GRHL1: variants seen among roughly 807,000 people sequenced by gnomAD.
GRHL1 encodes grainyhead-like protein 1 homolog.
In GRHL1, 38 loss-of-function variants were observed where a neutral mutation model predicts 75.7. The observed-to-expected ratio is 0.50, with a 90% CI of 0.39 to 0.66. The LOEUF (loss-of-function observed/expected upper bound fraction) is 0.66. GRHL1 is among the 30% of genes least tolerant of loss of function. The pLI is 0.00. For synonymous variants in GRHL1, 266 were observed against 279.4 expected, an observed-to-expected ratio of 0.95 and a Z score of 0.48; for missense variants, 589 against 767.5, an observed-to-expected ratio of 0.77 and a Z score of 2.75.
Position 9,990,363 on chromosome 2 carries a change from C to G in GRHL1, c.1270-333C>G, listed in dbSNP as rs1210245360. Among the ~76,000 whole-genome samples, 1 of 152,056 alleles carries G rather than the reference C, an allele frequency of 6.6e-6. No individual in the cohort carries two copies. Among genetic ancestry groups the G allele is most frequent in the African/African-American group, 2.4e-5 (1 of 41,422 alleles). ...GTGGGGTTTCACCATGTTGGCCAGG[C>G]TGGTCTCGAACTCCTGACCTCAAAT... is the stretch of plus-strand genomic sequence containing the variant. On this transcript the variant is annotated intron_variant, in intron 9 of 15. Coordinates refer to ENST00000324907, the MANE Select transcript of GRHL1 (RefSeq NM_198182.3). The surrounding 1 kb of genome is among the most constrained non-coding windows in gnomAD (Gnocchi z 4.2).
chr2:9,967,645 G>A (rs67223835), intron 8 of GRHL1, among the ~76,000 whole-genome samples: 30,691 of 152,152 alleles, frequency 0.2, 3,260 homozygotes, highest in African/African-American at 0.25. Context: ...CTGATATCAG[G>A]CAGCAACTTC....
chr2:9,961,220 G>A lies in GRHL1; in HGVS notation c.453G>A (p.Thr151=), dbSNP rs1437679768. Residue 151 remains threonine, a synonymous_variant, in exon 4 of 16, where the codon ACG becomes ACA. Coordinates refer to ENST00000324907, the MANE Select transcript of GRHL1 (RefSeq NM_198182.3). ...PDTTVTVSIA[T]MPTHSIKTET... Reference sequence around the variant, plus strand: ...CGACAGTCACTGTCTCCATAGCAACGATGCCTACCCACTCCATCAAGACAG... The same window carrying A: ...CGACAGTCACTGTCTCCATAGCAACAATGCCTACCCACTCCATCAAGACAG... 1.2e-6 allele frequency: 2 copies of A among 1,614,058 alleles called. No individual in the cohort carries two copies. Among genetic ancestry groups the A allele is most frequent in the African/African-American group, 1.3e-5 (1 of 75,016 alleles).
Position 9,998,875 on chromosome 2 carries a change from TACACATATATATAC to T in GRHL1, c.1678-88_1678-75del, listed in dbSNP as rs1669129494. 5 of 231,908 alleles carry T rather than the reference TACACATATATATAC, an allele frequency of 2.2e-5. 2 individuals are homozygous for T. The highest frequency in any genetic ancestry group is 1.6e-4 in the African/African-American group (2 of 12,760). The allele number at this position is 231,908 out of a possible 1,614,324, so 14.4% of individuals were successfully genotyped here. A position where few individuals can be genotyped will look rare whatever the true frequency, so the allele number is the denominator to read the frequency against. On this transcript the variant is annotated intron_variant, in intron 14 of 15. Coordinates refer to ENST00000324907, the MANE Select transcript of GRHL1 (RefSeq NM_198182.3). ...ACACATATATATACGTATATATATGTACACATATATATACATATATATATATTTGTTGTTTGGTT... is the reference window on the plus strand; with the variant it reads ...ACACATATATATACGTATATATATGTATATATATATATTTGTTGTTTGGTT...
chr2:9,986,741 C>G (rs1668434078), intron 9 of GRHL1, among the ~76,000 whole-genome samples: 1 of 151,970 alleles, frequency 6.6e-6, no homozygotes, highest in African/African-American at 2.4e-5. Flanking sequence ...AGGTCTCACT[C>G]TGTCATCCAG....
intron 2 of GRHL1, among the ~76,000 whole-genome samples, chr2:9,955,771 T>A (rs772997277): frequency 4.6e-5 from 7 of 152,242 alleles, no homozygotes; most frequent in Non-Finnish European, 1.0e-4. Context: ...GATGTGTGCA[T>A]CTGGGGCCCT....
Position 9,995,949 on chromosome 2 carries a change from C to G in GRHL1, c.1570C>G (p.Arg524Gly), listed in dbSNP as rs761933034. The change falls in exon 13 of 16, where the codon CGG (arginine) becomes GGG (glycine). Residue 524 changes from arginine to glycine, a missense_variant. Transcript: ENST00000324907. ...FAVPPSTKLA[R>G]IEEPKRVLLY... ...TGTCCCTCCTTCTACCAAGCTGGCC[C>G]GGATAGAAGAACCAAAGAGAGGTGT... 3.9e-5 allele frequency: 62 copies of G among 1,606,912 alleles called. No individual in the cohort carries two copies. Among genetic ancestry groups the G allele is most frequent in the Non-Finnish European group, 4.7e-5 (55 of 1,173,480 alleles).
chr2:9,999,050 G>T (rs1398533438), intron 15 of GRHL1, 21 bp downstream of exon 15: 2 of 1,436,396 alleles, frequency 1.4e-6, no homozygotes, highest in South Asian at 1.2e-5. Flanking sequence ...ACTGCGTCCT[G>T]TGTACCTCGG....
Position 9,951,899 on chromosome 2 carries a change from A to T in GRHL1, c.20+46A>T, listed in dbSNP as rs766912878. The T allele has an allele frequency of 2.2e-6, 3 of 1,362,352 alleles. No homozygotes were observed. The highest frequency in any genetic ancestry group is 2.6e-5 in the Admixed American group (1 of 38,286). 84.4% of individuals were successfully genotyped at this position (1,362,352 alleles called of 1,614,324 possible). A position where few individuals can be genotyped will look rare whatever the true frequency, so the allele number is the denominator to read the frequency against. Reference sequence around the variant, plus strand: ...CGGCCGCCGCGGGGGGGCCGCGCTGAGGGGCCGCACCTGCAGCGAGCGAGC... The same window carrying T: ...CGGCCGCCGCGGGGGGGCCGCGCTGTGGGGCCGCACCTGCAGCGAGCGAGC... On this transcript the variant is annotated intron_variant, in intron 1 of 15. Transcript: ENST00000324907. The surrounding 1 kb of genome is among the most constrained non-coding windows in gnomAD (Gnocchi z 4.2).
intron 8 of GRHL1, among the ~76,000 whole-genome samples, chr2:9,969,126 G>A (rs181500616): frequency 6.6e-6 from 1 of 152,318 alleles, no homozygotes; most frequent in African/African-American, 2.4e-5. Flanking sequence ...TGCCTGAGTT[G>A]TAAATCTTAA....
intron 4 of GRHL1, 136 bp downstream of exon 4, chr2:9,961,572 G>A (rs1441509132): frequency 5.4e-6 from 4 of 737,596 alleles, no homozygotes; most frequent in Non-Finnish European, 8.6e-6. Context: ...TTTTTTAAGA[G>A]AAAAGGCCCA....
At chr2:9,996,446 C>A in intron 14 of GRHL1, 45 bp downstream of exon 14, 1 of 1,201,814 alleles carries the variant, frequency 8.3e-7, no homozygotes, top group Non-Finnish European at 1.2e-6. Flanking sequence ...AATGAAAGGA[C>A]AAGTACATAG....
At chr2:9,954,562 AC>A (rs1295505728) in intron 1 of GRHL1, among the ~76,000 whole-genome samples, 2 of 152,202 alleles carry the variant, frequency 1.3e-5, no homozygotes, top group Admixed American at 6.5e-5. Flanking sequence ...TTGGAAGAGA[AC>A]AAGTATTCTC....
At chr2:9,981,126 G>C (rs1034068375) in intron 8 of GRHL1, among the ~76,000 whole-genome samples, 3 of 152,190 alleles carry the variant, frequency 2.0e-5, no homozygotes. Flanking sequence ...TTCTACACTC[G>C]CCATATGTGT....
chr2:9,955,196 A>G (rs1388174386), intron 2 of GRHL1, 95 bp downstream of exon 2: 1 of 795,630 alleles, frequency 1.3e-6, no homozygotes, highest in African/African-American at 1.7e-5. Context: ...AATGCCATGC[A>G]AGTTGCTTCT....
chr2:9,998,647 TATACATATACATATATATGTACAC>T lies in GRHL1; in HGVS notation c.1678-314_1678-291del, dbSNP rs1669056122. Among the ~76,000 whole-genome samples the T allele has an allele frequency of 4.0e-5, 2 of 49,428 alleles. 1 individual carries two copies. Among genetic ancestry groups the T allele is most frequent in the East Asian group, 7.9e-4 (2 of 2,528 alleles). 32.4% of individuals were successfully genotyped at this position (49,428 alleles called of 152,430 possible). Reference sequence around the variant, plus strand: ...ACACATATACATATATATGTACACATATACATATACATATATATGTACACATATATATACATATATATGTACACA... The same window carrying T: ...ACACATATACATATATATGTACACATATATATATACATATATATGTACACA... On this transcript the variant is annotated intron_variant, in intron 14 of 15. Coordinates refer to ENST00000324907, the MANE Select transcript of GRHL1 (RefSeq NM_198182.3).
intron 8 of GRHL1, among the ~76,000 whole-genome samples, chr2:9,973,975 T>G (rs1253121660): frequency 6.6e-6 from 1 of 152,194 alleles, no homozygotes; most frequent in African/African-American, 2.4e-5. Flanking sequence ...GACCTTTAAT[T>G]TCATGCCTCA....
rs1553300719 is a variant in GRHL1, at chr2:9,962,528, C to G, written c.743C>G (p.Ser248Cys). 1 of 1,511,232 alleles carries G rather than the reference C, an allele frequency of 6.6e-7. No homozygotes were observed. 93.6% of individuals were successfully genotyped at this position (1,511,232 alleles called of 1,614,324 possible). The change falls in exon 5 of 16, where the codon TCT becomes TGT. Residue 248 changes from serine (S) to cysteine (C), a missense_variant. Physicochemically the swap from Ser to Cys is moderately radical, Grantham distance 112. Around this residue, in one of 5 missense-constraint regions of GRHL1, gnomAD observed 362 missense variants for 461.8 expected, o/e 0.78. Coordinates refer to ENST00000324907, the MANE Select transcript of GRHL1 (RefSeq NM_198182.3). ...NSEDYVFDSV[S>C]GNNFEYTLEA... ...GAGGACTATGTTTTTGACAGTGTTT[C>G]TGGGTAATAGATGTCTTTTAATTTG...
At chr2:9,976,555 G>T (rs529741111) in intron 8 of GRHL1, among the ~76,000 whole-genome samples, 1 of 152,130 alleles carries the variant, frequency 6.6e-6, no homozygotes, top group African/African-American at 2.4e-5. Context: ...GTTCTTTGAG[G>T]CTGTGTAATG....
At chr2:9,977,372 G>C (rs1439780491) in intron 8 of GRHL1, among the ~76,000 whole-genome samples, 2 of 152,176 alleles carry the variant, frequency 1.3e-5, no homozygotes, top group Non-Finnish European at 2.9e-5. Context: ...TCAGGCTGGA[G>C]TGCAGTGGCA....
Sources: allele counts gnomAD v4.1 joint callset (sites outside exome capture counted in the v4.1 genomes callset), GRCh38; gene constraint gnomAD v4.1.1; regional missense constraint gnomAD v4.1.1; non-coding constraint Gnocchi (gnomAD v3.1); transcripts MANE v1.5; gene names NCBI Gene and HGNC (gene_info 2026-07-23, HGNC 2026-07-21).